NME4: variants seen among roughly 807,000 people sequenced by gnomAD.
The protein encoded by NME4 is nucleoside diphosphate kinase D, mitochondrial.
In NME4, 21 loss-of-function variants were observed where a neutral mutation model predicts 16.4. The observed-to-expected ratio is 1.28, with a 90% CI of 0.91 to 1.84. The LOEUF is 1.84. NME4 is among the 40% of genes most tolerant of loss of function. NME4 has a pLI of 0.00. For synonymous variants in NME4, 132 were observed against 107.5 expected (o/e 1.23, Z -1.41); for missense variants, 316 against 261.3 (o/e 1.21, Z -1.44).
chr16:397,962 G>T (rs781142112), intron 1 of NME4: 13 of 1,546,074 alleles, frequency 8.4e-6, no homozygotes, highest in Admixed American at 7.8e-5. Flanking sequence ...TACACAAGGC[G>T]CCCTGCAAAC....
chr16:397,732 G>T lies in NME4; in HGVS notation c.91+419G>T, dbSNP rs2054575385. On this transcript the variant is annotated intron_variant, in intron 1 of 4. Coordinates refer to ENST00000219479, the MANE Select transcript of NME4 (RefSeq NM_005009.3). ...TGTGGGGGGGTGAGGGAGTCGGGGG[G>T]TGGGGGTGGGGGGAGCCGCTCCGCT... is the stretch of plus-strand genomic sequence containing the variant. The T allele has an allele frequency of 2.0e-5, 24 of 1,209,668 alleles. 2 individuals carry two copies. In the East Asian group the frequency reaches 2.1e-4, roughly 11 times the overall value. 74.9% of individuals were successfully genotyped at this position (1,209,668 alleles called of 1,614,324 possible). A position where few individuals can be genotyped will look rare whatever the true frequency, so the allele number is the denominator to read the frequency against.
chr16:399,709 T>A lies in NME4; in HGVS notation c.410T>A (p.Ile137Lys). 6.2e-7 allele frequency: 1 copy of A among 1,612,882 alleles called. No homozygotes were observed. The highest frequency in any genetic ancestry group is 8.5e-7 in the Non-Finnish European group (1 of 1,179,878). Residue 137 changes from isoleucine (I) to lysine (K), a missense_variant, in exon 4 of 5, where the codon ATA becomes AAA. Ile to Lys is a moderately radical substitution (Grantham distance 102). Coordinates refer to ENST00000219479, the MANE Select transcript of NME4 (RefSeq NM_005009.3). ...TCGGCTGAGGCTGCCCCAGGAACCA[T>A]AAGGGGTGACTTCAGCGTCCACATC... ...TDSAEAAPGT[I>K]RGDFSVHISR...
rs148144911 is a variant in NME4, at chr16:399,399, C to G, written c.246C>G (p.Ala82=). 6.2e-7 allele frequency: 1 copy of G among 1,612,936 alleles called. No homozygotes were observed. Among genetic ancestry groups the G allele is most frequent in the South Asian group, 1.1e-5 (1 of 91,072 alleles). Residue 82 remains alanine (A), a synonymous_variant, in exon 3 of 5, where the codon GCC becomes GCG. Transcript: ENST00000219479. ...CCCAGGCACCAGAGAGCGTCCTTGC[C>G]GAGCACTACCAGGACCTGCGGAGGA... ...KMLQAPESVL[A]EHYQDLRRKP...
intron 1 of NME4, 108 bp from the exon 2 acceptor site, chr16:398,882 G>A: frequency 2.0e-6 from 3 of 1,481,724 alleles, no homozygotes; most frequent in Non-Finnish European, 2.7e-6. Context: ...CCTGCATAGA[G>A]GCAGACACCC....
Position 399,680 on chromosome 16 carries a change from C to G in NME4, c.381C>G (p.Thr127=). 1 of 1,613,138 alleles carries G rather than the reference C, an allele frequency of 6.2e-7. No homozygotes were observed. Among genetic ancestry groups the G allele is most frequent in the Admixed American group, 1.7e-5 (1 of 60,014 alleles). ...VRASRAMIGH[T]DSAEAAPGTI... Reference sequence around the variant, plus strand: ...CCTCGAGGGCCATGATTGGACACACCGACTCGGCTGAGGCTGCCCCAGGAA... The same window carrying G: ...CCTCGAGGGCCATGATTGGACACACGGACTCGGCTGAGGCTGCCCCAGGAA... The change falls in exon 4 of 5, where the codon ACC becomes ACG. Residue 127 remains threonine (T), a synonymous_variant. Transcript: ENST00000219479.
chr16:397,411 C>T, intron 1 of NME4, 98 bp downstream of exon 1: 2 of 394,350 alleles, frequency 5.1e-6, no homozygotes, highest in Non-Finnish European at 7.0e-6. Flanking sequence ...GGGTCCGACT[C>T]CCCCAGAGGC....
intron 1 of NME4, chr16:398,067 C>G (rs2054585810): frequency 5.2e-6 from 8 of 1,529,330 alleles, no homozygotes; most frequent in Middle Eastern, 1.7e-4. Context: ...TGGCGGAGCC[C>G]CTTTGGCTCT....
At chr16:397,569 CGGGTCCGGGGCGACCGA>C (rs1457180094) in intron 1 of NME4, among the ~76,000 whole-genome samples, 2 of 85,086 alleles carry the variant, frequency 2.4e-5, no homozygotes, top group East Asian at 3.8e-4. Context: ...GCAGCCTGGG[CGGGTCCGGGGCGACCGA>C]GGGCCCGGGA....
rs112441412 is a variant in NME4, at chr16:400,500, C to T, written c.*158C>T. The T allele has an allele frequency of 1.2e-3, 1,023 of 833,274 alleles. 1 individual carries two copies. The highest frequency in any genetic ancestry group is 2.3e-3 in the Middle Eastern group (6 of 2,666). 51.6% of individuals were successfully genotyped at this position (833,274 alleles called of 1,614,324 possible). On this transcript the variant is annotated 3_prime_UTR_variant, in exon 5 of 5. Coordinates refer to ENST00000219479, the MANE Select transcript of NME4 (RefSeq NM_005009.3). ...CCAGAGGAGTTTGAGCCACCAACTT[C>T]AGTGCCTTTCTGTACCCCAAGCCAG... is the stretch of plus-strand genomic sequence containing the variant.
intron 1 of NME4, chr16:398,002 G>T: frequency 6.5e-7 from 1 of 1,541,312 alleles, no homozygotes. Context: ...CCAACCAGGG[G>T]GTCTTCCTCC....
At position 399,744 on chromosome 16, in the gene NME4, G is replaced by T. The variant is rs367933433; in HGVS notation, c.440+5G>T. 3 of 1,609,848 alleles carry T rather than the reference G, an allele frequency of 1.9e-6. No individual in the cohort carries two copies. In the African/African-American group the frequency reaches 4.0e-5, roughly 22 times the overall value. ...CTTCAGCGTCCACATCAGCAGGTAC[G>T]GGGGTCCTGATACACCAGGCTGCTG... On this transcript the variant is annotated splice_donor_5th_base_variant and intron_variant, in intron 4 of 4. Transcript: ENST00000219479.
chr16:397,839 C>T (rs780270931), intron 1 of NME4: 17 of 1,527,466 alleles, frequency 1.1e-5, no homozygotes, highest in East Asian at 1.0e-4. Flanking sequence ...CGCTGCCCGG[C>T]CCCCCCAGCT....
At chr16:400,148 G>A in intron 4 of NME4, 71 bp from the exon 5 acceptor site, 1 of 1,606,086 alleles carries the variant, frequency 6.2e-7, no homozygotes, top group East Asian at 2.2e-5. Flanking sequence ...AACGGGAGCA[G>A]CAGATGGTCC....
Position 397,741 on chromosome 16 carries a change from G to C in NME4, c.91+428G>C. On this transcript the variant is annotated intron_variant, in intron 1 of 4. Transcript: ENST00000219479. ...GTGAGGGAGTCGGGGGGTGGGGGTG[G>C]GGGGAGCCGCTCCGCTGGGGCGTTC... 7.0e-6 allele frequency: 9 copies of C among 1,294,130 alleles called. 1 individual carries two copies. The highest frequency in any genetic ancestry group is 9.1e-6 in the Non-Finnish European group (9 of 986,002). 80.2% of individuals were successfully genotyped at this position (1,294,130 alleles called of 1,614,324 possible).
At chr16:398,358 T>C (rs2054592539) in intron 1 of NME4, 2 of 1,278,988 alleles carry the variant, frequency 1.6e-6, no homozygotes, top group Middle Eastern at 2.3e-4. Flanking sequence ...TCAGGCCCCT[T>C]TTTGTCCGTG....
In NME4 at chr16:399,052, C is replaced by CGGCTCGTTGGGGACGTGATCCA. The variant is rs2054604991; in HGVS notation, c.156_177dup (p.Arg60AlafsTer10). 6.2e-7 allele frequency: 1 copy of CGGCTCGTTGGGGACGTGATCCA among 1,607,246 alleles called. No homozygotes were observed. Among genetic ancestry groups the CGGCTCGTTGGGGACGTGATCCA allele is most frequent in the Non-Finnish European group, 8.5e-7 (1 of 1,179,454 alleles). Reference sequence around the variant, plus strand: ...GGTGAAGCCCGATGGCGTGCAACGGCGGCTCGTTGGGGACGTGATCCAGCG... The same window carrying CGGCTCGTTGGGGACGTGATCCA: ...GGTGAAGCCCGATGGCGTGCAACGGCGGCTCGTTGGGGACGTGATCCAGGCTCGTTGGGGACGTGATCCAGCG... On this transcript the variant is annotated frameshift_variant, in exon 2 of 5. Coordinates refer to ENST00000219479, the MANE Select transcript of NME4 (RefSeq NM_005009.3). LOFTEE classifies it high-confidence loss of function.
intron 1 of NME4, 114 bp from the exon 2 acceptor site, chr16:398,876 C>T (rs2054601208): frequency 3.5e-6 from 5 of 1,431,414 alleles, no homozygotes; most frequent in Non-Finnish European, 4.8e-6. Context: ...GAGTGCCCTG[C>T]ATAGAGGCAG....
intron 1 of NME4, chr16:398,136 C>T (rs1243510616): frequency 2.0e-6 from 3 of 1,530,756 alleles, no homozygotes; most frequent in South Asian, 2.4e-5. Context: ...GGACCCGATG[C>T]CGGAGGGTAG....
chr16:399,810 C>T, intron 4 of NME4, 71 bp downstream of exon 4: 1 of 1,267,078 alleles, frequency 7.9e-7, no homozygotes, highest in East Asian at 2.3e-5. Flanking sequence ...GGTGGCAGAT[C>T]CACGAGACCT....
Sources: allele counts gnomAD v4.1 joint callset (sites outside exome capture counted in the v4.1 genomes callset), GRCh38; gene constraint gnomAD v4.1.1; transcripts MANE v1.5; gene names NCBI Gene and HGNC (gene_info 2026-07-23, HGNC 2026-07-21).